Variants in TP63 observed in about 807,000 individuals in gnomAD.
TP63 encodes tumor protein 63.
A neutral mutation model predicts 82.8 loss-of-function variants in TP63; 17 were observed. The observed-to-expected ratio is 0.21, with a 90% CI of 0.14 to 0.31. TP63 has a LOEUF of 0.31. TP63 is among the 10% of genes least tolerant of loss of function. The pLI is 1.00. For synonymous variants in TP63, 330 were observed against 321.7 expected (o/e 1.03, Z -0.28); for missense variants, 648 against 895.3 (o/e 0.72, Z 3.52).
chr3:189,599,042 C>T, the TP63 span, among the ~76,000 whole-genome samples: 2 of 152,228 alleles, frequency 1.3e-5, no homozygotes, highest in Non-Finnish European at 2.9e-5. Context: ...AATGTCCAAG[C>T]TCACTTCAGA....
At chr3:189,625,623 C>T in the TP63 span, among the ~76,000 whole-genome samples, 2 of 151,996 alleles carry the variant, frequency 1.3e-5, no homozygotes, top group African/African-American at 2.4e-5. Flanking sequence ...AAGGTATTTC[C>T]TCATTTTAGG....
chr3:189,669,022 A>T (rs200540960), intron 1 of TP63, among the ~76,000 whole-genome samples: 1 of 16,888 alleles, frequency 5.9e-5, no homozygotes, highest in Non-Finnish European at 5.0e-4. Flanking sequence ...GAAAGAAACC[A>T]AAAAAAAAAC....
intron 3 of TP63, among the ~76,000 whole-genome samples, chr3:189,793,759 A>G (rs1395567449): frequency 1.3e-5 from 2 of 152,110 alleles, no homozygotes; most frequent in African/African-American, 4.8e-5. Flanking sequence ...TTCTGTGAAA[A>G]ACAACTTGAT....
intron 1 of TP63, among the ~76,000 whole-genome samples, chr3:189,721,688 C>A (rs1012737615): frequency 6.6e-6 from 1 of 152,152 alleles, no homozygotes; most frequent in African/African-American, 2.4e-5. Context: ...AGACTTACCT[C>A]CCTGGGCGTA....
chr3:189,821,075 G>T (rs1009910049), intron 4 of TP63, among the ~76,000 whole-genome samples: 13 of 152,178 alleles, frequency 8.5e-5, no homozygotes, highest in African/African-American at 3.1e-4. Context: ...CAGGAAGGAA[G>T]GTCTCATTAA....
chr3:189,610,637 A>G, the TP63 span, among the ~76,000 whole-genome samples: 15 of 151,992 alleles, frequency 9.9e-5, no homozygotes, highest in Non-Finnish European at 2.1e-4. Context: ...ACATTTTCCT[A>G]TCTTCTTCTG....
At chr3:189,715,812 A>G (rs1342572840) in intron 1 of TP63, among the ~76,000 whole-genome samples, 1 of 152,208 alleles carries the variant, frequency 6.6e-6, no homozygotes, top group Non-Finnish European at 1.5e-5. Context: ...AAAAATCAAG[A>G]GACCATGAAA....
intron 1 of TP63, among the ~76,000 whole-genome samples, chr3:189,654,524 CATTA>C (rs1289345748): frequency 1.3e-5 from 2 of 151,966 alleles, no homozygotes; most frequent in Non-Finnish European, 2.9e-5. Flanking sequence ...TTTATTATTG[CATTA>C]ATTAATTTTA....
intron 13 of TP63, among the ~76,000 whole-genome samples, chr3:189,892,961 T>C (rs1202233545): frequency 6.6e-6 from 1 of 152,136 alleles, no homozygotes; most frequent in Non-Finnish European, 1.5e-5. Context: ...GTTGGGAAGC[T>C]GTGCAATTTT....
At chr3:189,810,717 G>A (rs370762103) in intron 4 of TP63, among the ~76,000 whole-genome samples, 3 of 151,928 alleles carry the variant, frequency 2.0e-5, no homozygotes, top group Non-Finnish European at 2.9e-5. Context: ...TTAGCCAGAC[G>A]TGGTGGTGGG....
chr3:189,775,220 C>CAAAAAAAA (rs56288032), intron 3 of TP63, among the ~76,000 whole-genome samples: 8 of 93,028 alleles, frequency 8.6e-5, no homozygotes, highest in South Asian at 4.0e-4. Context: ...AACTCTGTCT[C>CAAAAAAAA]AAAAAAAAAA....
At chr3:189,892,717 G>C (rs1461243657) in intron 13 of TP63, among the ~76,000 whole-genome samples, 3 of 152,250 alleles carry the variant, frequency 2.0e-5, no homozygotes, top group African/African-American at 7.2e-5. Flanking sequence ...GCGTGAACTT[G>C]GGAGGCGGAG....
rs1160791687 is a variant in TP63 at position 189,886,485 on chromosome 3, C to T, written c.1441C>T (p.Leu481Phe). The T allele has an allele frequency of 1.9e-6, 3 of 1,614,140 alleles. No individual in the cohort carries two copies. Among genetic ancestry groups the T allele is most frequent in the Non-Finnish European group, 1.7e-6 (2 of 1,180,014 alleles). The stretch of plus-strand genomic sequence containing the variant: ...GAACAAGCTGCCTTCTGTGAGCCAG[C>T]TTATCAACCCTCAGCAGCGCAACGC... ...SMNKLPSVSQ[L>F]INPQQRNALT... is the part of the protein sequence containing the mutation. The change falls in exon 11 of 14, where the codon CTT (leucine) becomes TTT (phenylalanine). Residue 481 changes from leucine to phenylalanine, a missense_variant. By Grantham distance (22) the Leu-to-Phe change is conservative. This residue lies in a region of TP63 where 342 missense variants were observed against 425.7 expected (regional missense o/e 0.80). Coordinates refer to ENST00000264731, the MANE Select transcript of TP63 (RefSeq NM_003722.5).
At chr3:189,815,171 T>A (rs1384483506) in intron 4 of TP63, among the ~76,000 whole-genome samples, 5 of 151,254 alleles carry the variant, frequency 3.3e-5, no homozygotes. Flanking sequence ...ATCAGCTACA[T>A]GGTATCTTTC....
At chr3:189,750,696 C>T (rs1721749762) in intron 3 of TP63, among the ~76,000 whole-genome samples, 1 of 151,830 alleles carries the variant, frequency 6.6e-6, no homozygotes, top group African/African-American at 2.4e-5. Flanking sequence ...AATAGTTAAC[C>T]CCACCATTGA....
At chr3:189,791,987 A>T (rs1033755033) in intron 3 of TP63, among the ~76,000 whole-genome samples, 3 of 152,126 alleles carry the variant, frequency 2.0e-5, no homozygotes, top group African/African-American at 7.2e-5. Context: ...AAAAAGGCAT[A>T]AAACTCCCTG....
At chr3:189,877,079 T>G (rs1719313661) in intron 10 of TP63, among the ~76,000 whole-genome samples, 1 of 152,244 alleles carries the variant, frequency 6.6e-6, no homozygotes, top group African/African-American at 2.4e-5. Flanking sequence ...GGTTTTTCTT[T>G]TTAAAAAAAT....
At chr3:189,658,888 T>C (rs116373750) in intron 1 of TP63, among the ~76,000 whole-genome samples, 83 of 152,164 alleles carry the variant, frequency 5.5e-4, no homozygotes, top group African/African-American at 2.0e-3. Flanking sequence ...TTATGGACTT[T>C]GATAATAATG....
chr3:189,722,688 G>A (rs565281682), intron 1 of TP63, among the ~76,000 whole-genome samples: 5 of 152,336 alleles, frequency 3.3e-5, no homozygotes, highest in East Asian at 1.9e-4. Context: ...CCTAGTAAAC[G>A]TGGGTGTGTA....
Sources: gnomAD v4.1 joint callset for allele counts (sites outside exome capture counted in the v4.1 genomes callset) on GRCh38, gnomAD v4.1.1 for gene constraint, gnomAD v4.1.1 regional missense constraint, MANE v1.5 for transcripts, NCBI Gene and HGNC (gene_info 2026-07-23, HGNC 2026-07-21) for gene names.